The following DOCK4 variants were observed in gnomAD, a reference collection of about 807,000 sequenced individuals.
DOCK4 encodes the protein dedicator of cytokinesis protein 4.
A neutral mutation model predicts 268.1 loss-of-function variants in DOCK4; 97 were observed. The observed-to-expected ratio is 0.36, with a 90% CI of 0.31 to 0.43. The LOEUF is 0.43. Among genes scored for constraint, DOCK4 ranks in the 20% least tolerant of loss-of-function variants. The pLI is 1.00. For synonymous variants in DOCK4, 954 were observed against 887.2 expected (o/e 1.08, Z -1.34); for missense variants, 2,145 against 2,455.7 (o/e 0.87, Z 2.67).
intron 1 of DOCK4, among the ~76,000 whole-genome samples, chr7:112,174,963 C>G (rs57176492): frequency 7.7e-6 from 1 of 129,856 alleles, no homozygotes; most frequent in Non-Finnish European, 1.6e-5. Flanking sequence ...TTTTTTGAGA[C>G]AGAGTCTCAC....
intron 1 of DOCK4, among the ~76,000 whole-genome samples, chr7:112,034,529 C>T (rs1803568915): frequency 6.6e-6 from 1 of 152,232 alleles, no homozygotes; most frequent in Non-Finnish European, 1.5e-5. Flanking sequence ...ACCCTGACCA[C>T]ATTCCAAGAT....
intron 8 of DOCK4, among the ~76,000 whole-genome samples, chr7:111,948,102 A>ATTAATATATATTTAAATG (rs1249044502): frequency 6.6e-5 from 10 of 152,216 alleles, no homozygotes; most frequent in South Asian, 2.1e-4. Context: ...TACTTTAACC[A>ATTAATATATATTTAAATG]TATTATTAGG....
At chr7:112,045,375 C>T (rs1013200553) in intron 1 of DOCK4, among the ~76,000 whole-genome samples, 2 of 152,080 alleles carry the variant, frequency 1.3e-5, no homozygotes, top group East Asian at 1.9e-4. Context: ...ATTTATCTTC[C>T]TAGCATTTCT....
At chr7:112,026,318 G>A (rs1802780380) in intron 1 of DOCK4, among the ~76,000 whole-genome samples, 1 of 152,216 alleles carries the variant, frequency 6.6e-6, no homozygotes, top group South Asian at 2.1e-4. Context: ...ACATGTGAGG[G>A]ATCTAGGTTG....
intron 1 of DOCK4, among the ~76,000 whole-genome samples, chr7:112,066,693 A>ATGTATGTATGTGTG (rs1563052141): frequency 1.2e-4 from 1 of 8,016 alleles, no homozygotes; most frequent in African/African-American, 2.7e-4. Flanking sequence ...ACATATACAT[A>ATGTATGTATGTGTG]TATATATATA....
chr7:112,081,646 T>C (rs1268259068), intron 1 of DOCK4, among the ~76,000 whole-genome samples: 2 of 152,174 alleles, frequency 1.3e-5, no homozygotes, highest in African/African-American at 2.4e-5. Context: ...ATCTCAAATG[T>C]TTTGTAGACA....
intron 16 of DOCK4, among the ~76,000 whole-genome samples, chr7:111,882,343 T>G (rs1807459849): frequency 6.6e-6 from 1 of 152,178 alleles, no homozygotes; most frequent in South Asian, 2.1e-4. Context: ...GTAATGAGAA[T>G]ATGGCATTTT....
chr7:111,844,934 G>T (rs780470432), intron 24 of DOCK4, 37 bp from the exon 25 acceptor site: 1 of 1,575,466 alleles, frequency 6.3e-7, no homozygotes, highest in Non-Finnish European at 8.6e-7. Context: ...AGGAAACTGG[G>T]GTTTAACATG....
chr7:112,138,625 G>T (rs969989740), intron 1 of DOCK4, among the ~76,000 whole-genome samples: 8 of 152,106 alleles, frequency 5.3e-5, no homozygotes, highest in African/African-American at 1.9e-4. Context: ...CAACACACCT[G>T]CCCATACCCA....
At chr7:112,163,835 T>C (rs1331679824) in intron 1 of DOCK4, among the ~76,000 whole-genome samples, 1 of 152,186 alleles carries the variant, frequency 6.6e-6, no homozygotes, top group Non-Finnish European at 1.5e-5. Flanking sequence ...GAAAAATTCA[T>C]GATCAGTTAG....
At chr7:112,179,518 GT>G (rs1362221473) in intron 1 of DOCK4, among the ~76,000 whole-genome samples, 3 of 129,616 alleles carry the variant, frequency 2.3e-5, no homozygotes, top group African/African-American at 1.2e-4. Context: ...AAAAGGTGTT[GT>G]TTTTTTGTTT....
At chr7:111,855,943 A>T (rs1804971822) in intron 23 of DOCK4, among the ~76,000 whole-genome samples, 1 of 152,226 alleles carries the variant, frequency 6.6e-6, no homozygotes, top group South Asian at 2.1e-4. Flanking sequence ...GGCTACTCAA[A>T]TAGAGCCTGG....
At chr7:112,008,187 C>T (rs1170772529) in intron 1 of DOCK4, among the ~76,000 whole-genome samples, 1 of 152,208 alleles carries the variant, frequency 6.6e-6, no homozygotes, top group Non-Finnish European at 1.5e-5. Context: ...CATACGGGCC[C>T]TGAGAGCACA....
At position 111,990,673 on chromosome 7, in the gene DOCK4, C is replaced by A. The variant is rs1034684098; in HGVS notation, c.316-1510G>T. The stretch of plus-strand genomic sequence containing the variant: ...AATCATCTTGCTTCTCTCTCAACTC[C>A]GAAGGCACTCTATTGAGCCCATTCT... On this transcript the variant is annotated intron_variant, in intron 5 of 52. Coordinates refer to ENST00000428084, the MANE Select transcript of DOCK4 (RefSeq NM_001363540.2). 2.6e-5 allele frequency among the ~76,000 whole-genome samples: 4 copies of A among 152,186 alleles called. No individual in the cohort carries two copies. The East Asian group carries it at 7.7e-4, about 29-fold the overall frequency.
intron 1 of DOCK4, among the ~76,000 whole-genome samples, chr7:112,125,937 T>C (rs767617285): frequency 6.6e-6 from 1 of 152,016 alleles, no homozygotes; most frequent in Non-Finnish European, 1.5e-5. Flanking sequence ...GCCTCCCAAG[T>C]GGCTGGGACT....
intron 17 of DOCK4, among the ~76,000 whole-genome samples, chr7:111,875,918 A>G (rs1006242391): frequency 1.3e-5 from 2 of 152,188 alleles, no homozygotes; most frequent in African/African-American, 2.4e-5. Flanking sequence ...AAAATATTCT[A>G]TTGGGGAAAT....
chr7:111,752,820 T>G (rs1289637244), intron 42 of DOCK4, among the ~76,000 whole-genome samples: 4 of 152,050 alleles, frequency 2.6e-5, no homozygotes, highest in Non-Finnish European at 5.9e-5. Flanking sequence ...ATTCCTGACC[T>G]CAGGTGATAC....
At chr7:111,936,720 C>G (rs751742394) in intron 11 of DOCK4, among the ~76,000 whole-genome samples, 6 of 152,180 alleles carry the variant, frequency 3.9e-5, no homozygotes, top group African/African-American at 7.2e-5. Flanking sequence ...CATCAAGATT[C>G]TGTACACTAT....
intron 30 of DOCK4, among the ~76,000 whole-genome samples, chr7:111,807,016 G>T (rs2079377983): frequency 6.6e-6 from 1 of 152,164 alleles, no homozygotes; most frequent in Non-Finnish European, 1.5e-5. Context: ...GCTTTATTTA[G>T]CAGCCCAAGG....
Sources: allele counts gnomAD v4.1 joint callset (sites outside exome capture counted in the v4.1 genomes callset), GRCh38; gene constraint gnomAD v4.1.1; transcripts MANE v1.5; gene names NCBI Gene and HGNC (gene_info 2026-07-23, HGNC 2026-07-21).